DCC: variants seen among roughly 807,000 people sequenced by gnomAD.
DCC encodes DCC netrin 1 receptor.
Under a neutral mutation model 172.5 loss-of-function variants are expected in DCC, and 58 were observed. The observed-to-expected ratio is 0.34, with a 90% CI of 0.27 to 0.42. DCC has a LOEUF of 0.42. DCC is among the 10% of genes least tolerant of loss of function. The pLI is 1.00. For synonymous variants in DCC, 709 were observed against 644.5 expected (o/e 1.10, Z -1.52); for missense variants, 1,740 against 1,791.0 (o/e 0.97, Z 0.51).
chr18:53,449,784 G>A (rs1399311561), intron 22 of DCC, among the ~76,000 whole-genome samples: 1 of 152,056 alleles, frequency 6.6e-6, no homozygotes, highest in Non-Finnish European at 1.5e-5. Flanking sequence ...CTTTGAAAAT[G>A]TACAATTCAG....
At chr18:52,773,904 G>A (rs1282883426) in intron 2 of DCC, among the ~76,000 whole-genome samples, 1 of 152,118 alleles carries the variant, frequency 6.6e-6, no homozygotes, top group African/African-American at 2.4e-5. Flanking sequence ...AGATAAATCA[G>A]ATACAGGGGG....
intron 1 of DCC, among the ~76,000 whole-genome samples, chr18:52,433,189 T>C (rs1286140495): frequency 6.6e-6 from 1 of 152,134 alleles, no homozygotes; most frequent in Non-Finnish European, 1.5e-5. Flanking sequence ...TTAATTAGGG[T>C]TAATTTGCGA....
chr18:52,837,146 C>A (rs1345948765), intron 2 of DCC, among the ~76,000 whole-genome samples: 1 of 152,158 alleles, frequency 6.6e-6, no homozygotes, highest in Non-Finnish European at 1.5e-5. Flanking sequence ...GCAGGAGGGG[C>A]TCTGGGTTGG....
At chr18:52,985,875 C>T (rs145351059) in intron 5 of DCC, among the ~76,000 whole-genome samples, 2 of 152,192 alleles carry the variant, frequency 1.3e-5, no homozygotes, top group African/African-American at 4.8e-5. Flanking sequence ...CTCCCTAAAA[C>T]TCTGTTCTGG....
At chr18:52,770,049 G>A (rs1031037170) in intron 2 of DCC, among the ~76,000 whole-genome samples, 1 of 152,146 alleles carries the variant, frequency 6.6e-6, no homozygotes, top group Non-Finnish European at 1.5e-5. Flanking sequence ...GTCTTTTAAA[G>A]CATTTGAAGT....
At chr18:53,237,108 C>A (rs1216032531) in intron 12 of DCC, 3 of 151,646 alleles carry the variant, frequency 2.0e-5, no homozygotes, top group African/African-American at 7.3e-5. Flanking sequence ...ATATATTCTA[C>A]TGAGAGTACA....
In DCC at chr18:53,366,759, A is replaced by G. The variant is rs1479435756; in HGVS notation, c.2360-19284A>G. Among the ~76,000 whole-genome samples the G allele has an allele frequency of 3.9e-5, 6 of 152,124 alleles. No homozygotes were observed. The East Asian group carries it at 9.6e-4, about 24-fold the overall frequency. On this transcript the variant is annotated intron_variant, in intron 15 of 28. Coordinates refer to ENST00000442544, the MANE Select transcript of DCC (RefSeq NM_005215.4). ...TTCATGGCCTTCTTTATGGTTGTGC[A>G]TGGTTGTATGACTGAGTTCTGGCCA...
intron 9 of DCC, among the ~76,000 whole-genome samples, chr18:53,189,219 A>G (rs1318733325): frequency 6.6e-6 from 1 of 151,618 alleles, no homozygotes; most frequent in African/African-American, 2.4e-5. Context: ...AGATATGTGT[A>G]TATGTATATA....
chr18:52,544,117 G>A (rs2032543871), intron 1 of DCC, among the ~76,000 whole-genome samples: 1 of 152,198 alleles, frequency 6.6e-6, no homozygotes, highest in Admixed American at 6.5e-5. Flanking sequence ...AGGGACAGGA[G>A]AACAGGAACA....
At chr18:53,391,575 G>T in intron 16 of DCC, 80 bp from the exon 17 acceptor site, 1 of 906,496 alleles carries the variant, frequency 1.1e-6, no homozygotes, top group Non-Finnish European at 1.9e-6. Flanking sequence ...ATTGTGATGT[G>T]TTACCACTGA....
chr18:53,276,020 A>T (rs1450772842), intron 12 of DCC, among the ~76,000 whole-genome samples: 1 of 152,158 alleles, frequency 6.6e-6, no homozygotes, highest in African/African-American at 2.4e-5. Flanking sequence ...TATTCATTTC[A>T]TTAATTAATG....
chr18:52,986,545 C>G (rs1307264805), intron 5 of DCC, among the ~76,000 whole-genome samples: 1 of 152,118 alleles, frequency 6.6e-6, no homozygotes, highest in Admixed American at 6.6e-5. Flanking sequence ...TTCTTCTTCT[C>G]TCTTCCATAT....
chr18:53,129,077 A>T (rs1435642070), intron 7 of DCC, among the ~76,000 whole-genome samples: 1 of 151,428 alleles, frequency 6.6e-6, no homozygotes, highest in Non-Finnish European at 1.5e-5. Context: ...AGTGGAGATG[A>T]CGTTTCACCC....
chr18:53,312,287 G>T (rs1174304192), intron 13 of DCC, among the ~76,000 whole-genome samples: 1 of 139,470 alleles, frequency 7.2e-6, no homozygotes, highest in Non-Finnish European at 1.5e-5. Flanking sequence ...CTTGCAGTGA[G>T]CCGAGATTGC....
At chr18:53,441,609 C>A (rs563485708) in intron 22 of DCC, among the ~76,000 whole-genome samples, 23 of 152,286 alleles carry the variant, frequency 1.5e-4, no homozygotes, top group African/African-American at 5.1e-4. Context: ...TCTTTCCTCC[C>A]CCATATCCAA....
chr18:53,379,678 C>T (rs1314374014), intron 15 of DCC, among the ~76,000 whole-genome samples: 2 of 152,182 alleles, frequency 1.3e-5, no homozygotes, highest in African/African-American at 2.4e-5. Context: ...CATTTATTTT[C>T]TCCTTTCCTG....
intron 1 of DCC, among the ~76,000 whole-genome samples, chr18:52,584,931 A>T (rs2033637708): frequency 1.3e-5 from 2 of 152,194 alleles, no homozygotes; most frequent in African/African-American, 4.8e-5. Context: ...ACATTCCTTT[A>T]GGAATATTCT....
intron 1 of DCC, among the ~76,000 whole-genome samples, chr18:52,352,885 T>C (rs1256105297): frequency 6.6e-6 from 1 of 152,116 alleles, no homozygotes; most frequent in Non-Finnish European, 1.5e-5. Context: ...ACCTGGGAGC[T>C]TATAAGAAAT....
intron 27 of DCC, among the ~76,000 whole-genome samples, chr18:53,505,719 T>TAGA (rs2046165155): frequency 6.6e-6 from 1 of 152,132 alleles, no homozygotes; most frequent in Non-Finnish European, 1.5e-5. Context: ...TGTAACCTAA[T>TAGA]AGAAGACATA....
Sources: gnomAD v4.1 joint callset for allele counts (sites outside exome capture counted in the v4.1 genomes callset) on GRCh38, gnomAD v4.1.1 for gene constraint, MANE v1.5 for transcripts, NCBI Gene and HGNC (gene_info 2026-07-23, HGNC 2026-07-21) for gene names.